Variants in MACROD2 observed in about 807,000 individuals in gnomAD.
MACROD2 encodes mono-ADP ribosylhydrolase 2.
MACROD2 carries 36 observed loss-of-function variants against 70.4 expected under a neutral mutation model. The ratio of observed to expected loss-of-function variants is 0.51; its 90% CI spans 0.39 to 0.68. The LOEUF (loss-of-function observed/expected upper bound fraction) is 0.68, where lower values mean the gene tolerates loss of function less well. Ranked by LOEUF, MACROD2 falls within the 30% of genes least tolerant of loss-of-function variation. MACROD2 has a pLI of 0.00. For synonymous variants in MACROD2, 172 were observed against 178.8 expected, an observed-to-expected ratio of 0.96 and a Z score of 0.30; for missense variants, 496 against 538.4, an observed-to-expected ratio of 0.92 and a Z score of 0.78.
chr20:15,484,297 CT>C (rs1181783557), intron 7 of MACROD2, among the ~76,000 whole-genome samples: 1 of 151,948 alleles, frequency 6.6e-6, no homozygotes, highest in African/African-American at 2.4e-5. Context: ...ATAAATAAGC[CT>C]TTAGTCATGT....
chr20:15,768,436 A>T (rs2051565033), intron 8 of MACROD2, among the ~76,000 whole-genome samples: 1 of 152,324 alleles, frequency 6.6e-6, no homozygotes, highest in South Asian at 2.1e-4. Flanking sequence ...ATATAAAAAG[A>T]TAAAAATGGT....
intron 7 of MACROD2, among the ~76,000 whole-genome samples, chr20:15,463,289 A>G (rs1361306369): frequency 6.6e-6 from 1 of 152,194 alleles, no homozygotes; most frequent in Admixed American, 6.5e-5. Flanking sequence ...GAGTACTGTC[A>G]TTAATTAGTG....
intron 15 of MACROD2, 134 bp from the exon 16 acceptor site, chr20:16,041,067 C>A (rs2067301088): frequency 2.7e-6 from 2 of 748,630 alleles, no homozygotes; most frequent in Non-Finnish European, 4.4e-6. Flanking sequence ...CTCTTTTAAC[C>A]TTTTCTGCAA....
In MACROD2 at chr20:14,709,220, ATACT is replaced by A. The variant is rs1003804044; in HGVS notation, c.418+24267_418+24270del. On this transcript the variant is annotated intron_variant, in intron 5 of 17. Coordinates refer to ENST00000684519, the MANE Select transcript of MACROD2 (RefSeq NM_001351661.2). ...TTTAGGTTTTTTATATAACACTAAA[ATACT>A]TACTTTTTTTTTTCAGTCAAAAATA... Among the ~76,000 whole-genome samples, 14 of 143,314 alleles carry A rather than the reference ATACT, an allele frequency of 9.8e-5. No homozygotes were observed. The South Asian group carries it at 1.3e-3, about 14-fold the overall frequency. 94.0% of individuals were successfully genotyped at this position (143,314 alleles called of 152,430 possible).
chr20:15,779,285 A>T (rs1286224403), intron 8 of MACROD2, among the ~76,000 whole-genome samples: 2 of 152,142 alleles, frequency 1.3e-5, no homozygotes, highest in African/African-American at 2.4e-5. Flanking sequence ...GAACAGCTAC[A>T]TTAGAGATGC....
chr20:14,018,553 A>G (rs184625693), intron 2 of MACROD2, among the ~76,000 whole-genome samples: 158 of 151,880 alleles, frequency 1.0e-3, no homozygotes, highest in Non-Finnish European at 1.8e-3. Flanking sequence ...TCCTTCTGTT[A>G]TTGATTTTTA....
intron 6 of MACROD2, among the ~76,000 whole-genome samples, chr20:15,385,192 G>A (rs1401992518): frequency 1.3e-5 from 2 of 152,130 alleles, no homozygotes; most frequent in Non-Finnish European, 1.5e-5. Flanking sequence ...GCAGATTCAA[G>A]TTCATGCAAG....
chr20:14,874,668 G>T (rs1287883117), intron 5 of MACROD2, among the ~76,000 whole-genome samples: 1 of 147,382 alleles, frequency 6.8e-6, no homozygotes, highest in Non-Finnish European at 1.5e-5. Context: ...AACAAAAAAG[G>T]TTGTATTTAT....
At chr20:15,393,968 T>C (rs2045827375) in intron 6 of MACROD2, among the ~76,000 whole-genome samples, 1 of 152,190 alleles carries the variant, frequency 6.6e-6, no homozygotes, top group African/African-American at 2.4e-5. Flanking sequence ...GAATTACAAG[T>C]TCCTGATAAA....
At chr20:15,605,233 G>C (rs985544475) in intron 8 of MACROD2, among the ~76,000 whole-genome samples, 10 of 152,076 alleles carry the variant, frequency 6.6e-5, no homozygotes, top group African/African-American at 2.4e-4. Context: ...TTTGTATGAG[G>C]AGAAATTGTG....
At chr20:15,549,709 G>A (rs1236928829) in intron 8 of MACROD2, among the ~76,000 whole-genome samples, 3 of 152,166 alleles carry the variant, frequency 2.0e-5, no homozygotes, top group Non-Finnish European at 1.5e-5. Context: ...AGTCCCAGTC[G>A]TCATATCCTA....
intron 12 of MACROD2, among the ~76,000 whole-genome samples, chr20:15,938,190 A>G (rs2065695458): frequency 6.6e-6 from 1 of 152,186 alleles, no homozygotes. Context: ...AAAACAAAAT[A>G]GTGCTTTTTC....
intron 8 of MACROD2, among the ~76,000 whole-genome samples, chr20:15,734,198 G>T (rs2050987193): frequency 6.6e-6 from 1 of 152,182 alleles, no homozygotes; most frequent in African/African-American, 2.4e-5. Flanking sequence ...ACCTGGGCGA[G>T]GTTAGCATTC....
intron 5 of MACROD2, among the ~76,000 whole-genome samples, chr20:14,718,748 CT>C (rs1382662202): frequency 6.6e-6 from 1 of 151,612 alleles, no homozygotes; most frequent in Non-Finnish European, 1.5e-5. Flanking sequence ...TGTTTGGAAA[CT>C]TTTCCAGAAA....
intron 3 of MACROD2, among the ~76,000 whole-genome samples, chr20:14,317,751 G>A (rs1263541222): frequency 1.3e-5 from 2 of 152,066 alleles, no homozygotes; most frequent in African/African-American, 2.4e-5. Context: ...TGTTAAGGTT[G>A]AATGGATAAC....
intron 5 of MACROD2, among the ~76,000 whole-genome samples, chr20:15,048,406 T>G (rs2123045221): frequency 6.6e-6 from 1 of 152,286 alleles, no homozygotes; most frequent in African/African-American, 2.4e-5. Context: ...TGGTTATCTC[T>G]TTGACTGTTT....
intron 8 of MACROD2, among the ~76,000 whole-genome samples, chr20:15,673,037 G>A (rs1236521405): frequency 6.6e-6 from 1 of 152,102 alleles, no homozygotes; most frequent in Non-Finnish European, 1.5e-5. Context: ...CCAGCCACGT[G>A]GAACCATGAG....
chr20:15,830,356 A>G (rs1279386881), intron 8 of MACROD2, among the ~76,000 whole-genome samples: 1 of 152,358 alleles, frequency 6.6e-6, no homozygotes, highest in East Asian at 1.9e-4. Flanking sequence ...ACATGCCAGT[A>G]TAACTCCGAT....
intron 6 of MACROD2, among the ~76,000 whole-genome samples, chr20:15,390,939 T>C (rs1340143301): frequency 6.6e-6 from 1 of 152,198 alleles, no homozygotes; most frequent in Non-Finnish European, 1.5e-5. Context: ...ATTTCATTGA[T>C]GCATTGTTCA....
Sources: allele counts gnomAD v4.1 joint callset (sites outside exome capture counted in the v4.1 genomes callset), GRCh38; gene constraint gnomAD v4.1.1; transcripts MANE v1.5; gene names NCBI Gene and HGNC (gene_info 2026-07-23, HGNC 2026-07-21).